DLG2: variants seen among roughly 807,000 people sequenced by gnomAD.
The protein encoded by DLG2 is discs large MAGUK scaffold protein 2, also known as disks large homolog 2.
Under a neutral mutation model 132.5 loss-of-function variants are expected in DLG2, and 45 were observed. The observed-to-expected ratio is 0.34, with a 90% CI of 0.27 to 0.44. DLG2 has a LOEUF of 0.44. DLG2 is among the 20% of genes least tolerant of loss of function. DLG2 has a pLI of 1.00. For missense variants in DLG2, 1,045 were observed against 1,196.9 expected, an observed-to-expected ratio of 0.87 and a Z score of 1.87; for synonymous variants, 424 against 419.6, an observed-to-expected ratio of 1.01 and a Z score of -0.13.
At chr11:84,928,866 T>A (rs1481092773) in intron 6 of DLG2, among the ~76,000 whole-genome samples, 1 of 150,256 alleles carries the variant, frequency 6.7e-6, no homozygotes, top group South Asian at 2.1e-4. Context: ...ATATATAAAA[T>A]TGGATGTCAT....
At chr11:84,297,296 T>TA (rs1249573020) in intron 7 of DLG2, among the ~76,000 whole-genome samples, 1 of 152,176 alleles carries the variant, frequency 6.6e-6, no homozygotes, top group Non-Finnish European at 1.5e-5. Flanking sequence ...TCTAGGAACT[T>TA]ACTAGATGAG....
intron 14 of DLG2, among the ~76,000 whole-genome samples, chr11:83,935,958 T>G (rs1282695527): frequency 6.6e-6 from 1 of 152,190 alleles, no homozygotes; most frequent in Non-Finnish European, 1.5e-5. Context: ...AGGAACAATG[T>G]GCATAAAGCA....
chr11:83,920,719 T>C lies in DLG2; in HGVS notation c.1496+9609A>G, dbSNP rs367973170. On this transcript the variant is annotated intron_variant, in intron 15 of 27. Coordinates refer to ENST00000376104, the MANE Select transcript of DLG2 (RefSeq NM_001142699.3). Reference sequence around the variant, plus strand: ...TCTTGAAATCCTTATAGGTACCCCATGAGATTGATACTACAATAATTGCTA... The same window carrying C: ...TCTTGAAATCCTTATAGGTACCCCACGAGATTGATACTACAATAATTGCTA... Among the ~76,000 whole-genome samples, 9 of 152,250 alleles carry C rather than the reference T, an allele frequency of 5.9e-5. No individual in the cohort carries two copies. The East Asian group carries it at 1.5e-3, about 26-fold the overall frequency.
chr11:84,213,991 A>G (rs2096794796), intron 8 of DLG2, among the ~76,000 whole-genome samples: 2 of 151,384 alleles, frequency 1.3e-5, no homozygotes, highest in African/African-American at 4.8e-5. Flanking sequence ...TTGGTTATTA[A>G]TATGTTTGGC....
At chr11:85,178,639 T>C (rs1486537633) in intron 4 of DLG2, among the ~76,000 whole-genome samples, 3 of 151,720 alleles carry the variant, frequency 2.0e-5, no homozygotes, top group Admixed American at 2.0e-4. Flanking sequence ...ACAAATTATG[T>C]TGGAAAACAG....
chr11:84,275,866 T>G (rs1202003416), intron 7 of DLG2, among the ~76,000 whole-genome samples: 2 of 152,212 alleles, frequency 1.3e-5, no homozygotes, highest in African/African-American at 4.8e-5. Flanking sequence ...TAGGGCAGGC[T>G]CATGGAAGAT....
chr11:85,207,660 T>C (rs912629028), intron 4 of DLG2, among the ~76,000 whole-genome samples: 4 of 152,094 alleles, frequency 2.6e-5, no homozygotes, highest in Non-Finnish European at 4.4e-5. Context: ...ATTTACATTT[T>C]GAAAGAAATA....
At chr11:84,530,618 A>G (rs893609668) in intron 7 of DLG2, among the ~76,000 whole-genome samples, 1 of 152,326 alleles carries the variant, frequency 6.6e-6, no homozygotes. Context: ...AAAACGTCAA[A>G]AAATAACAGA....
chr11:83,538,346 G>A, intron 20 of DLG2, among the ~76,000 whole-genome samples: 1 of 152,160 alleles, frequency 6.6e-6, no homozygotes, highest in East Asian at 1.9e-4. Context: ...CCAGACTTGA[G>A]AGCTGTAGGG....
intron 3 of DLG2, among the ~76,000 whole-genome samples, chr11:85,579,671 G>T (rs996397935): frequency 2.0e-5 from 3 of 151,972 alleles, no homozygotes; most frequent in South Asian, 2.1e-4. Context: ...AGATGAAAAG[G>T]CATGAACTGT....
chr11:84,535,226 G>T (rs1480674576), intron 6 of DLG2, among the ~76,000 whole-genome samples: 1 of 152,134 alleles, frequency 6.6e-6, no homozygotes, highest in Non-Finnish European at 1.5e-5. Flanking sequence ...AAAAAATTTT[G>T]TCACCCACAT....
At chr11:83,775,775 C>T (rs912900241) in intron 18 of DLG2, among the ~76,000 whole-genome samples, 1 of 150,594 alleles carries the variant, frequency 6.6e-6, no homozygotes, top group African/African-American at 2.5e-5. Flanking sequence ...TAGCCAGACA[C>T]TGTACTAAGG....
intron 18 of DLG2, among the ~76,000 whole-genome samples, chr11:83,739,278 G>A (rs2092301161): frequency 6.6e-6 from 1 of 152,056 alleles, no homozygotes; most frequent in Non-Finnish European, 1.5e-5. Context: ...AACTTCACTG[G>A]TGTCAAAGTA....
At chr11:84,154,600 T>C (rs2095385835) in intron 9 of DLG2, among the ~76,000 whole-genome samples, 1 of 152,170 alleles carries the variant, frequency 6.6e-6, no homozygotes, top group Non-Finnish European at 1.5e-5. Flanking sequence ...CTGCAACCAG[T>C]AACTCGTCAT....
At chr11:85,492,385 C>T (rs926238956) in intron 3 of DLG2, among the ~76,000 whole-genome samples, 1 of 152,150 alleles carries the variant, frequency 6.6e-6, no homozygotes, top group South Asian at 2.1e-4. Flanking sequence ...TATATAACTA[C>T]AAAAAACAAA....
chr11:84,060,170 G>C (rs1052839802), intron 10 of DLG2, among the ~76,000 whole-genome samples: 2 of 151,956 alleles, frequency 1.3e-5, no homozygotes, highest in African/African-American at 2.4e-5. Context: ...AAAATTAGCT[G>C]GGCATGGTGG....
intron 6 of DLG2, among the ~76,000 whole-genome samples, chr11:84,938,964 G>A (rs1673175236): frequency 6.6e-6 from 1 of 152,058 alleles, no homozygotes; most frequent in Non-Finnish European, 1.5e-5. Flanking sequence ...AATTATAGTT[G>A]GATGGAAACT....
intron 8 of DLG2, among the ~76,000 whole-genome samples, chr11:84,242,755 C>G (rs1189287060): frequency 6.6e-6 from 1 of 152,056 alleles, no homozygotes; most frequent in Non-Finnish European, 1.5e-5. Flanking sequence ...AATCACTGAA[C>G]TTTTAAGAAA....
At chr11:84,368,783 G>T (rs144908383) in intron 7 of DLG2, among the ~76,000 whole-genome samples, 2 of 152,076 alleles carry the variant, frequency 1.3e-5, no homozygotes, top group Admixed American at 6.6e-5. Flanking sequence ...TTTATAATAA[G>T]TACTCAATAA....
Sources: allele counts gnomAD v4.1 joint callset (sites outside exome capture counted in the v4.1 genomes callset), GRCh38; gene constraint gnomAD v4.1.1; transcripts MANE v1.5; gene names NCBI Gene and HGNC (gene_info 2026-07-23, HGNC 2026-07-21).